PALM2AKAP2: variants seen among roughly 807,000 people sequenced by gnomAD.
The protein encoded by PALM2AKAP2 is PALM2 and AKAP2 fusion, also known as PALM2-AKAP2 fusion protein.
Under a neutral mutation model 71.5 loss-of-function variants are expected in PALM2AKAP2, and 37 were observed. The ratio of observed to expected loss-of-function variants is 0.52; its 90% CI spans 0.40 to 0.68. The LOEUF (loss-of-function observed/expected upper bound fraction) is 0.68. PALM2AKAP2 is among the 30% of genes least tolerant of loss of function. The probability of loss-of-function intolerance (pLI) is 0.00; values close to 1 mark genes in which losing one functional copy is unlikely to be tolerated. For synonymous variants in PALM2AKAP2, 468 were observed against 478.8 expected, an observed-to-expected ratio of 0.98 and a Z score of 0.29; for missense variants, 1,224 against 1,191.8, an observed-to-expected ratio of 1.03 and a Z score of -0.40.
At chr9:109,647,091 C>G (rs921199776) in intron 1 of PALM2AKAP2, among the ~76,000 whole-genome samples, 1 of 152,016 alleles carries the variant, frequency 6.6e-6, no homozygotes, top group Non-Finnish European at 1.5e-5. Flanking sequence ...ATTTTCCATG[C>G]AAACATCATA....
At chr9:110,015,933 C>T (rs755389758) in intron 6 of PALM2AKAP2, 21 bp from the exon 7 acceptor site, 1 of 1,608,426 alleles carries the variant, frequency 6.2e-7, no homozygotes, top group Non-Finnish European at 8.5e-7. Context: ...GCTCAAATGG[C>T]ACTTCTTTTT....
At chr9:110,081,709 G>T (rs1834453286) in intron 1 of PALM2AKAP2, among the ~76,000 whole-genome samples, 1 of 152,066 alleles carries the variant, frequency 6.6e-6, no homozygotes, top group Non-Finnish European at 1.5e-5. Context: ...CAAGCGACAG[G>T]AAACTCTCCC....
upstream of PALM2AKAP2, among the ~76,000 whole-genome samples, chr9:109,777,977 C>T (rs79444474): frequency 6.6e-6 from 1 of 152,234 alleles, no homozygotes; most frequent in Non-Finnish European, 1.5e-5. Context: ...CAACTGATCA[C>T]TTCCAAAGGG....
chr9:110,094,144 G>C (rs531245694), intron 1 of PALM2AKAP2, among the ~76,000 whole-genome samples: 2 of 152,312 alleles, frequency 1.3e-5, no homozygotes, highest in South Asian at 2.1e-4. Context: ...CATTGCACTG[G>C]CAACATTGTT....
rs1832974938 is a variant in PALM2AKAP2, at chr9:110,016,047, A to T, written c.582+8A>T. On this transcript the variant is annotated splice_region_variant and intron_variant, in intron 7 of 9. Coordinates refer to the PALM2AKAP2 transcript ENST00000302798. ...CCAGACATGACTATCAAGGTAAGGGATTCTCTTCAGGTTGATTCTCAAAGT... is the reference window on the plus strand; with the variant it reads ...CCAGACATGACTATCAAGGTAAGGGTTTCTCTTCAGGTTGATTCTCAAAGT... 3 of 1,612,012 alleles carry T rather than the reference A, an allele frequency of 1.9e-6. No individual in the cohort carries two copies. Among genetic ancestry groups the T allele is most frequent in the Non-Finnish European group, 1.7e-6 (2 of 1,178,344 alleles).
At chr9:109,939,081 A>G (rs766062568) in intron 6 of PALM2AKAP2, among the ~76,000 whole-genome samples, 5 of 152,070 alleles carry the variant, frequency 3.3e-5, no homozygotes, top group Non-Finnish European at 7.4e-5. Context: ...TTATATCTCC[A>G]CTAAGTAATA....
In PALM2AKAP2 at chr9:109,851,637, T is replaced by G. The variant is rs145787584; in HGVS notation, c.46-15854T>G. ...GATGCATGATAAAGACCAACCTGCC[T>G]GCATGAAGATGATGGTGCACTTCTC... On this transcript the variant is annotated intron_variant, in intron 1 of 9. Transcript: ENST00000302798. Among the ~76,000 whole-genome samples the G allele has an allele frequency of 2.8e-4, 42 of 152,290 alleles. No individual in the cohort carries two copies. The East Asian group carries it at 7.9e-3, about 29-fold the overall frequency.
chr9:109,694,791 A>C (rs1005735892), intron 1 of PALM2AKAP2, among the ~76,000 whole-genome samples: 2 of 152,088 alleles, frequency 1.3e-5, no homozygotes, highest in Non-Finnish European at 2.9e-5. Flanking sequence ...AACTGCTGTA[A>C]TTCAAACTCT....
At chr9:109,860,072 G>A (rs1829269597) in intron 1 of PALM2AKAP2, among the ~76,000 whole-genome samples, 4 of 152,220 alleles carry the variant, frequency 2.6e-5, no homozygotes, top group Admixed American at 2.6e-4. Context: ...CCAGGAGAGT[G>A]AGTTTTAATA....
At chr9:109,971,686 A>G (rs1832072207) in intron 6 of PALM2AKAP2, among the ~76,000 whole-genome samples, 1 of 152,162 alleles carries the variant, frequency 6.6e-6, no homozygotes, top group South Asian at 2.1e-4. Context: ...TCAGCCTCCC[A>G]GAGTGCTGGG....
chr9:109,928,958 C>G (rs1017989193), intron 5 of PALM2AKAP2, among the ~76,000 whole-genome samples: 3 of 152,152 alleles, frequency 2.0e-5, no homozygotes, highest in African/African-American at 7.2e-5. Flanking sequence ...TGAGCTACTG[C>G]GCCCAGCCCA....
intron 1 of PALM2AKAP2, among the ~76,000 whole-genome samples, chr9:109,819,907 A>G (rs1827952436): frequency 6.6e-6 from 1 of 152,224 alleles, no homozygotes; most frequent in Admixed American, 6.5e-5. Flanking sequence ...GCACAAAGAA[A>G]CAAGGACCAG....
chr9:110,133,664 G>A (rs905536859), intron 1 of PALM2AKAP2, among the ~76,000 whole-genome samples: 3 of 149,934 alleles, frequency 2.0e-5, no homozygotes, highest in African/African-American at 7.4e-5. Flanking sequence ...ACTACCCTCC[G>A]CCCACCCCGG....
At chr9:109,816,184 C>A (rs1275775156) in intron 1 of PALM2AKAP2, among the ~76,000 whole-genome samples, 1 of 152,114 alleles carries the variant, frequency 6.6e-6, no homozygotes. Flanking sequence ...TCCAGGGCAC[C>A]TTATGTAGGT....
chr9:109,858,878 C>A (rs1203680164), intron 1 of PALM2AKAP2, among the ~76,000 whole-genome samples: 3 of 152,094 alleles, frequency 2.0e-5, no homozygotes, highest in Admixed American at 1.3e-4. Context: ...TTATGACCAT[C>A]AAAGCAAAAG....
At chr9:110,118,524 A>G (rs1252405654) in intron 1 of PALM2AKAP2, among the ~76,000 whole-genome samples, 1 of 152,176 alleles carries the variant, frequency 6.6e-6, no homozygotes, top group African/African-American at 2.4e-5. Context: ...CTGGGATTAC[A>G]GGTATCAGCC....
At chr9:109,891,639 C>T (rs1336531662) in intron 3 of PALM2AKAP2, among the ~76,000 whole-genome samples, 2 of 152,100 alleles carry the variant, frequency 1.3e-5, no homozygotes, top group Non-Finnish European at 2.9e-5. Flanking sequence ...TACAGGCACC[C>T]GCCACCATGC....
chr9:110,033,842 A>G (rs1833330897), intron 7 of PALM2AKAP2, among the ~76,000 whole-genome samples: 1 of 152,244 alleles, frequency 6.6e-6, no homozygotes, highest in Non-Finnish European at 1.5e-5. Flanking sequence ...GAATACAAAT[A>G]ACACATAGCT....
exon 2 of PALM2AKAP2, chr9:110,136,551 G>A (rs1248115874): frequency 1.6e-5 from 26 of 1,613,306 alleles, no homozygotes; most frequent in Non-Finnish European, 2.2e-5. Flanking sequence ...CCCACTGAAA[G>A]AACAGCTAGC....
Sources: allele counts gnomAD v4.1 joint callset (sites outside exome capture counted in the v4.1 genomes callset), GRCh38; gene constraint gnomAD v4.1.1; transcripts MANE v1.5; gene names NCBI Gene and HGNC (gene_info 2026-07-23, HGNC 2026-07-21).